Variants in CCDC62 observed in about 807,000 individuals in gnomAD.
The protein encoded by CCDC62 is coiled-coil domain-containing protein 62.
A neutral mutation model predicts 80.8 loss-of-function variants in CCDC62; 72 were observed. The observed-to-expected ratio is 0.89, with a 90% confidence interval of 0.74 to 1.08. CCDC62 has a LOEUF of 1.08. Ranked by LOEUF, CCDC62 falls within the 50% of genes least tolerant of loss-of-function variation. CCDC62 has a pLI of 0.00. For synonymous variants in CCDC62, 286 were observed against 296.5 expected (o/e 0.96, Z 0.36); for missense variants, 704 against 809.4 (o/e 0.87, Z 1.58).
chr12:122,774,721 C>G lies in CCDC62; in HGVS notation c.36+15C>G. 1 of 1,250,784 alleles carries G rather than the reference C, an allele frequency of 8.0e-7. No homozygotes were observed. Among genetic ancestry groups the G allele is most frequent in the Non-Finnish European group, 1.0e-6 (1 of 988,632 alleles). The allele number at this position is 1,250,784 out of a possible 1,614,324, so 77.5% of individuals were successfully genotyped here. A position where few individuals can be genotyped will look rare whatever the true frequency, so the allele number is the denominator to read the frequency against. On this transcript the variant is annotated intron_variant, in intron 1 of 12. Transcript: ENST00000253079. The stretch of plus-strand genomic sequence containing the variant: ...CCGGGCGCCAGGTAAGCAGCGGTTC[C>G]GGGCGCGGCGGGGCGCCGCGGGAAC...
chr12:122,784,323 C>A (rs1228198095), intron 3 of CCDC62, among the ~76,000 whole-genome samples: 1 of 152,006 alleles, frequency 6.6e-6, no homozygotes, highest in Non-Finnish European at 1.5e-5. Context: ...GAGTTCGAGA[C>A]CAGCCTGACC....
chr12:122,795,540 C>G (rs868300220), intron 6 of CCDC62, among the ~76,000 whole-genome samples: 2 of 152,228 alleles, frequency 1.3e-5, no homozygotes, highest in Admixed American at 6.5e-5. Flanking sequence ...TCTCCTGCCT[C>G]AGCCTCCCGA....
chr12:122,822,521 C>G lies in CCDC62; in HGVS notation c.2002-845C>G, dbSNP rs1373950695. Reference sequence around the variant, plus strand: ...TAGCTCCCCTTTCCCCATCCACTCCCTCCCCAAGCCTCTGGTAATCACTAT... The same window carrying G: ...TAGCTCCCCTTTCCCCATCCACTCCGTCCCCAAGCCTCTGGTAATCACTAT... On this transcript the variant is annotated intron_variant, in intron 11 of 12. Transcript: ENST00000253079. Among the ~76,000 whole-genome samples the G allele has an allele frequency of 2.0e-5, 3 of 151,682 alleles. No homozygotes were observed. In the East Asian group the frequency reaches 5.8e-4, roughly 29 times the overall value.
At position 122,786,426 on chromosome 12, in the gene CCDC62, G is replaced by A. The variant is rs2030237855; in HGVS notation, c.498+606G>A. ...GCCTCCCAAAGTGCTGGGATTACAGGCGTGAGCCACCGCGCTCAGCCAGAG... is the reference window on the plus strand; with the variant it reads ...GCCTCCCAAAGTGCTGGGATTACAGACGTGAGCCACCGCGCTCAGCCAGAG... On this transcript the variant is annotated intron_variant, in intron 4 of 12. Transcript: ENST00000253079. 4.0e-5 allele frequency among the ~76,000 whole-genome samples: 6 copies of A among 151,404 alleles called. No homozygotes were observed. The South Asian group carries it at 1.3e-3, about 32-fold the overall frequency.
chr12:122,797,564 G>A (rs556486413), intron 7 of CCDC62, among the ~76,000 whole-genome samples, 169 bp downstream of exon 7: 58 of 151,876 alleles, frequency 3.8e-4, no homozygotes, highest in African/African-American at 1.4e-3. Context: ...TTTTTGAGAC[G>A]GAGTCTCGCA....
chr12:122,810,914 A>G (rs1348516196), intron 10 of CCDC62, among the ~76,000 whole-genome samples: 20 of 151,988 alleles, frequency 1.3e-4, no homozygotes, highest in African/African-American at 4.6e-4. Context: ...GCAAACTATC[A>G]CAAGGACAAA....
chr12:122,801,247 G>A lies in CCDC62; in HGVS notation c.1101G>A (p.Arg367=). The stretch of plus-strand genomic sequence containing the variant: ...AAGCCATGTTGGTTCAGCAAAATAG[G>A]TCAGACAAGAGCTCTTGCGATGAAT... ...KFEAMLVQQN[R]SDKSSCDECK... The change falls in exon 9 of 13, where the codon AGG becomes AGA. Residue 367 remains arginine, a synonymous_variant. Transcript: ENST00000253079. 1 of 1,614,104 alleles carries A rather than the reference G, an allele frequency of 6.2e-7. No individual in the cohort carries two copies. Among genetic ancestry groups the A allele is most frequent in the African/African-American group, 1.3e-5 (1 of 75,024 alleles).
intron 4 of CCDC62, among the ~76,000 whole-genome samples, chr12:122,786,538 G>A (rs1456063321): frequency 6.6e-6 from 1 of 152,118 alleles, no homozygotes; most frequent in Non-Finnish European, 1.5e-5. Flanking sequence ...ACACTCTCCT[G>A]CTGTTACACA....
At chr12:122,822,574 A>ATT (rs71085861) in intron 11 of CCDC62, among the ~76,000 whole-genome samples, 101,728 of 117,750 alleles carry the variant, frequency 0.86, 45,019 homozygotes, top group Non-Finnish European at 0.92. Context: ...TGAGTTCCAC[A>ATT]TTTTTTTTTT....
intron 6 of CCDC62, among the ~76,000 whole-genome samples, chr12:122,794,273 C>T (rs1460026840): frequency 1.3e-5 from 2 of 152,190 alleles, no homozygotes; most frequent in Admixed American, 1.3e-4. Context: ...CAGCTCACTG[C>T]AGCCTCAAAC....
In CCDC62 at chr12:122,792,075, C is replaced by T. The variant is rs777892644; in HGVS notation, c.726C>T (p.Arg242=). ...ENNEQREEII[R]LKQEKSCLHD... is the part of the protein sequence containing the mutation. ...ATGAGCAACGAGAAGAGATCATTCGCCTCAAGCAAGAGAAAAGTTGCCTGC... is the reference window on the plus strand; with the variant it reads ...ATGAGCAACGAGAAGAGATCATTCGTCTCAAGCAAGAGAAAAGTTGCCTGC... The change falls in exon 6 of 13, where the codon CGC becomes CGT. Residue 242 remains arginine (R), a synonymous_variant. Transcript: ENST00000253079. 2 of 1,613,994 alleles carry T rather than the reference C, an allele frequency of 1.2e-6. No individual in the cohort carries two copies. Among genetic ancestry groups the T allele is most frequent in the Non-Finnish European group, 1.7e-6 (2 of 1,179,926 alleles).
rs986690772 is a variant in CCDC62 at position 122,774,599 on chromosome 12, G to A, written c.-72G>A. ...TCCGGGCTCGCCCCCGCCGCTCGGG[G>A]CAGGCGCGCCGATGGCGTTTCTGAG... On this transcript the variant is annotated 5_prime_UTR_variant, in exon 1 of 13. Transcript: ENST00000253079. 1.7e-6 allele frequency: 2 copies of A among 1,159,908 alleles called. No homozygotes were observed. The highest frequency in any genetic ancestry group is 1.6e-5 in the African/African-American group (1 of 62,230). The allele number at this position is 1,159,908 out of a possible 1,614,324, so 71.9% of individuals were successfully genotyped here.
At chr12:122,795,289 A>C (rs996793457) in intron 6 of CCDC62, among the ~76,000 whole-genome samples, 3 of 152,016 alleles carry the variant, frequency 2.0e-5, no homozygotes, top group African/African-American at 7.2e-5. Context: ...GAGCTCAGAC[A>C]ATCCACCCGC....
intron 6 of CCDC62, among the ~76,000 whole-genome samples, chr12:122,794,798 A>T (rs139442065): frequency 6.6e-6 from 1 of 152,270 alleles, no homozygotes; most frequent in Non-Finnish European, 1.5e-5. Flanking sequence ...CTGGGACTAC[A>T]GGCATGTGTC....
Position 122,797,369 on chromosome 12 carries a change from A to G in CCDC62, c.835A>G (p.Asn279Asp). The stretch of plus-strand genomic sequence containing the variant: ...TGCGAAGTCAAAGCAAGAACGCACA[A>G]ATTCAGAACTGCACAATCTGAGACA... ...NIAKSKQERT[N>D]SELHNLRQIY... is the part of the protein sequence containing the mutation. The change falls in exon 7 of 13, where the codon AAT becomes GAT. Residue 279 changes from asparagine to aspartate, a missense_variant. By Grantham distance (23) the Asn-to-Asp change is conservative. Transcript: ENST00000253079. The G allele has an allele frequency of 6.3e-7, 1 of 1,595,894 alleles. No homozygotes were observed. The highest frequency in any genetic ancestry group is 8.6e-7 in the Non-Finnish European group (1 of 1,163,774).
chr12:122,796,967 C>T (rs2030997264), intron 6 of CCDC62, among the ~76,000 whole-genome samples: 1 of 151,550 alleles, frequency 6.6e-6, no homozygotes, highest in African/African-American at 2.4e-5. Context: ...GCAACTTCCA[C>T]CTCCCAGGTT....
chr12:122,790,056 C>CT (rs904666622), intron 5 of CCDC62, among the ~76,000 whole-genome samples: 53 of 146,854 alleles, frequency 3.6e-4, no homozygotes, highest in Admixed American at 5.5e-4. Context: ...AATATTAAAA[C>CT]TTTTTTTTTT....
intron 6 of CCDC62, among the ~76,000 whole-genome samples, chr12:122,795,810 C>G (rs1019931663): frequency 1.3e-5 from 2 of 152,210 alleles, no homozygotes; most frequent in Non-Finnish European, 2.9e-5. Context: ...TGGGTCCTGA[C>G]AGTCCTGTAG....
Position 122,795,645 on chromosome 12 carries a change from T to C in CCDC62, c.773-1662T>C, listed in dbSNP as rs183570077. 5.5e-3 allele frequency among the ~76,000 whole-genome samples: 832 copies of C among 152,150 alleles called. 6 individuals carry two copies. Among genetic ancestry groups the C allele is most frequent in the East Asian group, 0.019 (99 of 5,150 alleles). On this transcript the variant is annotated intron_variant, in intron 6 of 12. Coordinates refer to ENST00000253079, the MANE Select transcript of CCDC62 (RefSeq NM_201435.5). Reference sequence around the variant, plus strand: ...TTCACCGTGTTAGCCAGGATGGTCTTGATTTCCTGACCTCATGATCTGCCC... The same window carrying C: ...TTCACCGTGTTAGCCAGGATGGTCTCGATTTCCTGACCTCATGATCTGCCC...
Sources: allele counts gnomAD v4.1 joint callset (sites outside exome capture counted in the v4.1 genomes callset), GRCh38; gene constraint gnomAD v4.1.1; transcripts MANE v1.5; gene names NCBI Gene and HGNC (gene_info 2026-07-23, HGNC 2026-07-21).